GMDS: variants seen among roughly 807,000 people sequenced by gnomAD.
GMDS encodes GDP-mannose 4,6 dehydratase.
A neutral mutation model predicts 49.9 loss-of-function variants in GMDS; 20 were observed. The observed-to-expected ratio is 0.40, with a 90% CI of 0.28 to 0.58. The LOEUF (loss-of-function observed/expected upper bound fraction) is 0.58. GMDS is among the 20% of genes least tolerant of loss of function. The pLI is 0.42. For missense variants in GMDS, 362 were observed against 481.4 expected, an observed-to-expected ratio of 0.75 and a Z score of 2.32; for synonymous variants, 177 against 178.6, an observed-to-expected ratio of 0.99 and a Z score of 0.07.
intron 6 of GMDS, among the ~76,000 whole-genome samples, chr6:1,953,661 C>T (rs1239652303): frequency 6.6e-6 from 1 of 152,138 alleles, no homozygotes; most frequent in Non-Finnish European, 1.5e-5. Context: ...TTATTTACCT[C>T]CTAATGTAAT....
chr6:2,065,789 G>A (rs1248280374), intron 4 of GMDS, among the ~76,000 whole-genome samples: 7 of 152,154 alleles, frequency 4.6e-5, no homozygotes, highest in South Asian at 2.1e-4. Flanking sequence ...CCAAATCTAC[G>A]TCTGATTGGT....
In GMDS at chr6:1,737,961, TACATACACAC is replaced by T. The variant is rs1215417807; in HGVS notation, c.890+4497_890+4506del. On this transcript the variant is annotated intron_variant, in intron 8 of 10. Coordinates refer to ENST00000380815, the MANE Select transcript of GMDS (RefSeq NM_001500.4). ...ACACACACATACACAGATACACACATACATACACACACATACACACACACCACAAACACAC... is the reference window on the plus strand; with the variant it reads ...ACACACACATACACAGATACACACATACATACACACACACCACAAACACAC... Among the ~76,000 whole-genome samples the T allele has an allele frequency of 2.5e-3, 260 of 103,784 alleles. 1 individual carries two copies. The highest frequency in any genetic ancestry group is 9.6e-3 in the African/African-American group (247 of 25,638). 68.1% of individuals were successfully genotyped at this position (103,784 alleles called of 152,430 possible). A position where few individuals can be genotyped will look rare whatever the true frequency, so the allele number is the denominator to read the frequency against.
intron 1 of GMDS, among the ~76,000 whole-genome samples, chr6:2,148,631 G>C (rs934827387): frequency 5.9e-5 from 9 of 152,046 alleles, no homozygotes; most frequent in Admixed American, 5.2e-4. Context: ...TGTTGGCCAG[G>C]CTGGTCTCCA....
intron 4 of GMDS, among the ~76,000 whole-genome samples, chr6:2,037,987 A>T (rs1019365556): frequency 6.6e-6 from 1 of 151,338 alleles, no homozygotes; most frequent in Non-Finnish European, 1.5e-5. Flanking sequence ...CCCTGCCACA[A>T]TATCTCCAGT....
intron 1 of GMDS, among the ~76,000 whole-genome samples, chr6:2,139,594 A>C (rs150400051): frequency 6.6e-6 from 1 of 152,296 alleles, no homozygotes; most frequent in East Asian, 1.9e-4. Context: ...CAAGGAAGAG[A>C]AGTCTTTACT....
At chr6:1,685,018 C>CTT (rs113234098) in intron 9 of GMDS, among the ~76,000 whole-genome samples, 115 of 149,886 alleles carry the variant, frequency 7.7e-4, no homozygotes, top group African/African-American at 2.2e-3. Context: ...TCTCCCCCCC[C>CTT]TTTTTTTTTA....
At chr6:2,142,959 G>A (rs1776378266) in intron 1 of GMDS, among the ~76,000 whole-genome samples, 1 of 151,962 alleles carries the variant, frequency 6.6e-6, no homozygotes. Flanking sequence ...TCATTCAGTG[G>A]AACTCACAAT....
chr6:2,085,949 A>G (rs184396080), intron 4 of GMDS, among the ~76,000 whole-genome samples: 1 of 152,214 alleles, frequency 6.6e-6, no homozygotes, highest in African/African-American at 2.4e-5. Flanking sequence ...CTCTGAGCTT[A>G]TTTTCTGAAT....
chr6:2,121,517 C>T (rs1457586709), intron 2 of GMDS, among the ~76,000 whole-genome samples: 1 of 152,116 alleles, frequency 6.6e-6, no homozygotes, highest in Non-Finnish European at 1.5e-5. Flanking sequence ...TCATTTCAAA[C>T]GGTTCATTCA....
chr6:1,811,170 C>T (rs1458638636), intron 7 of GMDS, among the ~76,000 whole-genome samples: 4 of 152,138 alleles, frequency 2.6e-5, no homozygotes, highest in East Asian at 3.8e-4. Flanking sequence ...GCTGAGTAAA[C>T]GCTCATATAT....
At chr6:1,976,575 A>G (rs750183723) in intron 4 of GMDS, among the ~76,000 whole-genome samples, 1 of 152,218 alleles carries the variant, frequency 6.6e-6, no homozygotes, top group Non-Finnish European at 1.5e-5. Context: ...CTTCTAATGG[A>G]GAATAATTTC....
intron 2 of GMDS, among the ~76,000 whole-genome samples, chr6:2,121,110 G>C (rs1298361053): frequency 6.6e-6 from 1 of 152,184 alleles, no homozygotes; most frequent in Non-Finnish European, 1.5e-5. Flanking sequence ...GGGTCACGGA[G>C]CCTGAAAGTG....
intron 4 of GMDS, among the ~76,000 whole-genome samples, chr6:2,077,483 T>C (rs1011139237): frequency 1.3e-5 from 2 of 152,136 alleles, no homozygotes; most frequent in African/African-American, 4.8e-5. Context: ...GAGAGTTTTT[T>C]ATCATGAAGG....
At chr6:2,235,270 G>C (rs769505416) in intron 1 of GMDS, among the ~76,000 whole-genome samples, 1 of 152,198 alleles carries the variant, frequency 6.6e-6, no homozygotes, top group Non-Finnish European at 1.5e-5. Context: ...TTCTGAGCTA[G>C]ACTTCTTCAG....
intron 4 of GMDS, among the ~76,000 whole-genome samples, chr6:2,046,412 T>G (rs891741174): frequency 1.3e-5 from 2 of 152,158 alleles, no homozygotes; most frequent in Non-Finnish European, 2.9e-5. Flanking sequence ...CATTTACAAA[T>G]CACAGTATTA....
chr6:1,721,640 C>T (rs1366233862), intron 9 of GMDS, among the ~76,000 whole-genome samples: 1 of 150,956 alleles, frequency 6.6e-6, no homozygotes, highest in Non-Finnish European at 1.5e-5. Flanking sequence ...AATCTCTTTG[C>T]TTTTTTTTTC....
intron 9 of GMDS, among the ~76,000 whole-genome samples, chr6:1,718,103 A>G (rs1413580210): frequency 2.0e-5 from 3 of 151,988 alleles, no homozygotes; most frequent in Non-Finnish European, 2.9e-5. Flanking sequence ...TGGAATTCGA[A>G]TTTGCCTGGC....
intron 7 of GMDS, among the ~76,000 whole-genome samples, chr6:1,802,171 A>C (rs1013518137): frequency 3.3e-5 from 5 of 152,248 alleles, no homozygotes; most frequent in African/African-American, 1.2e-4. Flanking sequence ...CAGCTTCTTC[A>C]AATATTTCAA....
intron 7 of GMDS, among the ~76,000 whole-genome samples, chr6:1,817,496 G>T (rs1770719803): frequency 6.6e-6 from 1 of 152,310 alleles, no homozygotes; most frequent in Admixed American, 6.5e-5. Context: ...TTTGAGTGAA[G>T]TGATATAAAT....
Sources: allele counts gnomAD v4.1 joint callset (sites outside exome capture counted in the v4.1 genomes callset), GRCh38; gene constraint gnomAD v4.1.1; transcripts MANE v1.5; gene names NCBI Gene and HGNC (gene_info 2026-07-23, HGNC 2026-07-21).